RAPGEF2: variants seen among roughly 807,000 people sequenced by gnomAD.
RAPGEF2 encodes the protein PDZ domain containing guanine nucleotide exchange factor (GEF) 1.
Under a neutral mutation model 186.7 loss-of-function variants are expected in RAPGEF2, and 54 were observed. That is an observed-to-expected ratio of 0.29 (90% confidence interval 0.23 to 0.36). RAPGEF2 has a LOEUF of 0.36. RAPGEF2 is among the 10% of genes least tolerant of loss of function. The probability of loss-of-function intolerance (pLI) is 1.00; values close to 1 mark genes in which losing one functional copy is unlikely to be tolerated. For synonymous variants in RAPGEF2, 712 were observed against 705.9 expected (o/e 1.01, Z -0.14); for missense variants, 1,532 against 2,045.0 (o/e 0.75, Z 4.84).
chr4:159,355,896 C>CCCCCAAAA lies in RAPGEF2; in HGVS notation c.4695_4696insCCCCAAAA (p.Gly1566ProfsTer62). On this transcript the variant is annotated frameshift_variant, in exon 29 of 30. Transcript: ENST00000691494. LOFTEE classifies it high-confidence loss of function. ...ATCGAGAGCCCCCGCCCACCCCTCC[C>CCCCCAAAA]GGCTACATTGGAATTCCCATTACTG... 1 of 1,555,928 alleles carries CCCCCAAAA rather than the reference C, an allele frequency of 6.4e-7. No homozygotes were observed. Among genetic ancestry groups the CCCCCAAAA allele is most frequent in the Non-Finnish European group, 8.7e-7 (1 of 1,149,428 alleles).
In RAPGEF2 at chr4:159,319,066, T is replaced by C. The variant is rs943997876; in HGVS notation, c.854-3281T>C. On this transcript the variant is annotated intron_variant, in intron 9 of 29. Coordinates refer to ENST00000691494, the MANE Select transcript of RAPGEF2 (RefSeq NM_001394067.2). ...CTTTGTCCTGAGGATTTTCCTAGTA[T>C]CCATCCCAGGCTCTGAATTCTTGGC... Among the ~76,000 whole-genome samples, 3 of 152,142 alleles carry C rather than the reference T, an allele frequency of 2.0e-5. No homozygotes were observed. In the East Asian group the frequency reaches 5.8e-4, roughly 29 times the overall value.
intron 1 of RAPGEF2, among the ~76,000 whole-genome samples, chr4:159,115,317 A>G (rs951527438): frequency 6.6e-6 from 1 of 152,248 alleles, no homozygotes; most frequent in African/African-American, 2.4e-5. Context: ...ATAAAGACAT[A>G]AATCACTTGT....
chr4:159,176,505 A>G (rs535792716), intron 1 of RAPGEF2, among the ~76,000 whole-genome samples: 1 of 152,346 alleles, frequency 6.6e-6, no homozygotes, highest in East Asian at 1.9e-4. Context: ...AATGTTAAAA[A>G]GGTTTAACCT....
At chr4:159,329,787 C>A in intron 11 of RAPGEF2, 71 bp from the exon 12 acceptor site, 1 of 1,239,168 alleles carries the variant, frequency 8.1e-7, no homozygotes, top group Non-Finnish European at 1.1e-6. Flanking sequence ...AATTAAAACA[C>A]TGAATTATTA....
At chr4:159,351,077 T>C in intron 26 of RAPGEF2, 1 of 1,533,182 alleles carries the variant, frequency 6.5e-7, no homozygotes, top group Non-Finnish European at 8.7e-7. Context: ...GGCAATCAGC[T>C]GAGATCTTTT....
chr4:159,285,096 C>G (rs924682961), intron 7 of RAPGEF2, among the ~76,000 whole-genome samples: 15 of 152,058 alleles, frequency 9.9e-5, no homozygotes, highest in Admixed American at 1.3e-4. Flanking sequence ...TTTTTTCCAC[C>G]TCTATTACTT....
chr4:159,228,517 T>G, intron 4 of RAPGEF2, among the ~76,000 whole-genome samples: 1 of 152,212 alleles, frequency 6.6e-6, no homozygotes, highest in East Asian at 1.9e-4. Flanking sequence ...ACTCTATTTT[T>G]ATAAGCAGAG....
At chr4:159,299,431 A>T (rs963154262) in intron 7 of RAPGEF2, among the ~76,000 whole-genome samples, 1 of 85,706 alleles carries the variant, frequency 1.2e-5, no homozygotes, top group African/African-American at 4.6e-5. Context: ...CTTTTACATT[A>T]AAAAAAAAAA....
intron 25 of RAPGEF2, among the ~76,000 whole-genome samples, chr4:159,347,223 G>C (rs58730870): frequency 0.022 from 3,420 of 152,276 alleles, 122 homozygotes; most frequent in African/African-American, 0.076. Context: ...AATTTGCTAC[G>C]ACAGGGTGTT....
chr4:159,258,709 A>G (rs570383621), intron 7 of RAPGEF2, among the ~76,000 whole-genome samples: 2 of 152,328 alleles, frequency 1.3e-5, no homozygotes, highest in Non-Finnish European at 2.9e-5. Context: ...TCTTTATGCC[A>G]TTGTGTATAT....
chr4:159,173,386 G>C (rs1386506392), intron 1 of RAPGEF2, among the ~76,000 whole-genome samples: 1 of 152,152 alleles, frequency 6.6e-6, no homozygotes, highest in African/African-American at 2.4e-5. Flanking sequence ...TTCAAAATGA[G>C]TGCTGTTGAT....
intron 3 of RAPGEF2, among the ~76,000 whole-genome samples, chr4:159,207,248 T>G (rs1750084993): frequency 6.6e-6 from 1 of 152,210 alleles, no homozygotes; most frequent in African/African-American, 2.4e-5. Flanking sequence ...CCCATGGATT[T>G]CCTGATATAA....
chr4:159,199,091 G>A (rs910062511), intron 3 of RAPGEF2, among the ~76,000 whole-genome samples: 25 of 150,388 alleles, frequency 1.7e-4, no homozygotes, highest in African/African-American at 6.1e-4. Flanking sequence ...GAAACCAAAG[G>A]TTTTAATTTA....
chr4:159,121,745 ATGGAGCCGGGCTCGG>A (rs1202287432), intron 1 of RAPGEF2, among the ~76,000 whole-genome samples: 3 of 151,930 alleles, frequency 2.0e-5, no homozygotes, highest in Admixed American at 6.6e-5. Context: ...AATGTAGGTT[ATGGAGCCGGGCTCGG>A]TGGCTCATGC....
intron 7 of RAPGEF2, among the ~76,000 whole-genome samples, chr4:159,257,527 T>C (rs931715244): frequency 6.6e-6 from 1 of 152,202 alleles, no homozygotes; most frequent in Non-Finnish European, 1.5e-5. Context: ...ACGGGAGCTG[T>C]AAAATGAGAT....
chr4:159,108,416 A>G, intron 1 of RAPGEF2, among the ~76,000 whole-genome samples: 1 of 143,626 alleles, frequency 7.0e-6, no homozygotes, highest in African/African-American at 2.6e-5. Flanking sequence ...TAAGGAGAAG[A>G]TGACCACCTT....
chr4:159,215,178 T>G (rs922292666), intron 4 of RAPGEF2, among the ~76,000 whole-genome samples: 10 of 150,998 alleles, frequency 6.6e-5, no homozygotes, highest in South Asian at 2.1e-4. Flanking sequence ...TTGTTGTTTG[T>G]TTGGTTTTTA....
At chr4:159,255,359 T>TG (rs902707976) in intron 7 of RAPGEF2, among the ~76,000 whole-genome samples, 1 of 151,966 alleles carries the variant, frequency 6.6e-6, no homozygotes, top group African/African-American at 2.4e-5. Context: ...ATATATAGTT[T>TG]TTTTTTTTTT....
At chr4:159,295,553 G>A (rs148083882) in intron 7 of RAPGEF2, among the ~76,000 whole-genome samples, 2,213 of 152,204 alleles carry the variant, frequency 0.015, 21 homozygotes, top group Non-Finnish European at 0.024. Context: ...ATGGAAACTT[G>A]TATAAACAGT....
Sources: allele counts gnomAD v4.1 joint callset (sites outside exome capture counted in the v4.1 genomes callset), GRCh38; gene constraint gnomAD v4.1.1; transcripts MANE v1.5; gene names NCBI Gene and HGNC (gene_info 2026-07-23, HGNC 2026-07-21).